Variants in KCNIP4 observed in about 807,000 individuals in gnomAD.
The protein encoded by KCNIP4 is potassium voltage-gated channel interacting protein 4.
Under a neutral mutation model 34.0 loss-of-function variants are expected in KCNIP4, and 12 were observed. The observed-to-expected ratio is 0.35, with a 90% CI of 0.23 to 0.57. The LOEUF is 0.57. Ranked by LOEUF, KCNIP4 falls within the 20% of genes least tolerant of loss-of-function variation. The pLI, the probability that KCNIP4 is intolerant of heterozygous loss-of-function variation, is 0.83. For synonymous variants in KCNIP4, 124 were observed against 102.2 expected (o/e 1.21, Z -1.29); for missense variants, 238 against 311.7 (o/e 0.76, Z 1.78).
At chr4:21,326,289 C>CAT (rs61553563) in intron 1 of KCNIP4, among the ~76,000 whole-genome samples, 52,425 of 148,392 alleles carry the variant, frequency 0.35, 9,157 homozygotes, top group Middle Eastern at 0.42. Flanking sequence ...GTTGGATATA[C>CAT]ATATATATAT....
chr4:21,308,795 C>A (rs939151421), intron 1 of KCNIP4, among the ~76,000 whole-genome samples: 1 of 151,582 alleles, frequency 6.6e-6, no homozygotes, highest in Non-Finnish European at 1.5e-5. Context: ...TGACAGTTTG[C>A]CAAAATTTTC....
At chr4:21,943,115 T>G (rs1205020494) in intron 1 of KCNIP4, among the ~76,000 whole-genome samples, 1 of 152,152 alleles carries the variant, frequency 6.6e-6, no homozygotes, top group African/African-American at 2.4e-5. Context: ...GTACAAAAAT[T>G]AGTAATTCTT....
intron 1 of KCNIP4, among the ~76,000 whole-genome samples, chr4:21,250,126 T>TTTTC (rs1760588809): frequency 6.6e-6 from 1 of 151,458 alleles, no homozygotes; most frequent in Admixed American, 6.6e-5. Context: ...CTTTCTTTTT[T>TTTTC]TTTTTCCCCC....
rs1394656544 is a variant in KCNIP4, at chr4:21,394,951, TCACAAGCAC to T, written c.62-512251_62-512243del. Among the ~76,000 whole-genome samples, 4 of 12,738 alleles carry T rather than the reference TCACAAGCAC, an allele frequency of 3.1e-4. No homozygotes were observed. In the Non-Finnish European group the frequency reaches 3.4e-3, roughly 11 times the overall value. The allele number at this position is 12,738 out of a possible 152,430, so 8.4% of individuals were successfully genotyped here. On this transcript the variant is annotated intron_variant, in intron 1 of 8. Coordinates refer to ENST00000382152, the MANE Select transcript of KCNIP4 (RefSeq NM_025221.6). ...TGACTGGGCTCACAAAGCACTGGGC[TCACAAGCAC>T]TGGGCTCACAAAGACTAAGCCACAA...
chr4:21,252,006 T>TATA (rs966063574), intron 1 of KCNIP4, among the ~76,000 whole-genome samples: 48 of 150,274 alleles, frequency 3.2e-4, no homozygotes, highest in Middle Eastern at 3.4e-3. Context: ...AAACTTAAAG[T>TATA]ATAATAATAA....
intron 1 of KCNIP4, among the ~76,000 whole-genome samples, chr4:21,890,785 T>C (rs1213103356): frequency 6.6e-6 from 1 of 152,108 alleles, no homozygotes; most frequent in East Asian, 1.9e-4. Flanking sequence ...AAAGCATGCA[T>C]TTATGTCAGC....
At chr4:20,936,597 A>G (rs1005412648) in intron 1 of KCNIP4, among the ~76,000 whole-genome samples, 2 of 152,080 alleles carry the variant, frequency 1.3e-5, no homozygotes, top group African/African-American at 4.8e-5. Context: ...TCTACCAGGG[A>G]GAGGTTTACA....
chr4:21,070,337 G>C (rs1037416028), intron 1 of KCNIP4, among the ~76,000 whole-genome samples: 3 of 152,032 alleles, frequency 2.0e-5, no homozygotes, highest in Non-Finnish European at 4.4e-5. Context: ...ATTTCTCTGG[G>C]ATAAATGCAC....
At chr4:21,559,250 C>T (rs1053070218) in intron 1 of KCNIP4, among the ~76,000 whole-genome samples, 2 of 152,062 alleles carry the variant, frequency 1.3e-5, no homozygotes, top group Non-Finnish European at 2.9e-5. Flanking sequence ...ATAATTATCA[C>T]CTCTCTGTCG....
chr4:20,956,699 A>G, intron 1 of KCNIP4, among the ~76,000 whole-genome samples: 1 of 152,332 alleles, frequency 6.6e-6, no homozygotes, highest in Admixed American at 6.5e-5. Context: ...TCTTTTTATG[A>G]TTAATAAATA....
Position 21,569,467 on chromosome 4 carries a change from A to G in KCNIP4, c.61+379104T>C, listed in dbSNP as rs1407979301. On this transcript the variant is annotated intron_variant, in intron 1 of 8. Transcript: ENST00000382152. ...TAGAATATTATGAATTTGAGGATTC[A>G]TGACATTCTTGGGATACATTTTAGA... Among the ~76,000 whole-genome samples, 4 of 152,022 alleles carry G rather than the reference A, an allele frequency of 2.6e-5. No homozygotes were observed. The East Asian group carries it at 5.8e-4, about 22-fold the overall frequency.
rs769666168 is a variant in KCNIP4 at position 21,169,660 on chromosome 4, T to TTGCGTGTGTGTGTG, written c.62-286952_62-286951insCACACACACACGCA. On this transcript the variant is annotated intron_variant, in intron 1 of 8. Transcript: ENST00000382152. ...ATATGTATGTAGTCATACTTTATAT[T>TTGCGTGTGTGTGTG]TGTGTGTGTGTGTGTGTGTGTGTGT... 1.9e-3 allele frequency among the ~76,000 whole-genome samples: 257 copies of TTGCGTGTGTGTGTG among 136,288 alleles called. 1 individual carries two copies. Among genetic ancestry groups the TTGCGTGTGTGTGTG allele is most frequent in the African/African-American group, 5.2e-3 (183 of 35,406 alleles). 89.4% of individuals were successfully genotyped at this position (136,288 alleles called of 152,430 possible).
At chr4:21,933,661 T>C (rs1729698098) in intron 1 of KCNIP4, among the ~76,000 whole-genome samples, 1 of 152,050 alleles carries the variant, frequency 6.6e-6, no homozygotes, top group Non-Finnish European at 1.5e-5. Context: ...GTTTGATGTA[T>C]AAGAAGTGAT....
intron 1 of KCNIP4, among the ~76,000 whole-genome samples, chr4:21,706,269 G>A (rs1433730293): frequency 6.6e-6 from 1 of 152,086 alleles, no homozygotes; most frequent in East Asian, 1.9e-4. Flanking sequence ...GCTCATAAGG[G>A]CTTAAAGGTT....
chr4:21,800,935 A>G (rs1311539813), intron 1 of KCNIP4, among the ~76,000 whole-genome samples: 5 of 152,206 alleles, frequency 3.3e-5, no homozygotes, highest in Non-Finnish European at 7.3e-5. Context: ...TCTCATGAGA[A>G]GTCTCTCCTG....
intron 1 of KCNIP4, among the ~76,000 whole-genome samples, chr4:20,965,166 A>C (rs1280687326): frequency 1.3e-5 from 2 of 152,170 alleles, no homozygotes; most frequent in Non-Finnish European, 2.9e-5. Flanking sequence ...CCTCAAAAAG[A>C]AGCAAAGGAA....
intron 1 of KCNIP4, among the ~76,000 whole-genome samples, chr4:21,312,576 C>T (rs1174634616): frequency 6.6e-6 from 1 of 152,152 alleles, no homozygotes; most frequent in East Asian, 1.9e-4. Context: ...ACGGGGGTTC[C>T]TTCGGTTTCT....
At chr4:21,558,104 G>A (rs187670925) in intron 1 of KCNIP4, among the ~76,000 whole-genome samples, 26 of 152,240 alleles carry the variant, frequency 1.7e-4, no homozygotes, top group Non-Finnish European at 3.7e-4. Context: ...GAAACTTCCC[G>A]TAAACCAGAG....
At chr4:21,578,800 T>A (rs1465469591) in intron 1 of KCNIP4, among the ~76,000 whole-genome samples, 4 of 152,170 alleles carry the variant, frequency 2.6e-5, no homozygotes, top group Non-Finnish European at 5.9e-5. Context: ...TTTCTGAGCA[T>A]GAAGGTCATA....
Sources: gnomAD v4.1 joint callset for allele counts (sites outside exome capture counted in the v4.1 genomes callset) on GRCh38, gnomAD v4.1.1 for gene constraint, MANE v1.5 for transcripts, NCBI Gene and HGNC (gene_info 2026-07-23, HGNC 2026-07-21) for gene names.